Variants in ZNF438 observed in about 807,000 individuals in gnomAD.
ZNF438 encodes zinc finger protein 438.
ZNF438 carries 25 observed loss-of-function variants against 38.0 expected under a neutral mutation model. That is an observed-to-expected ratio of 0.66 (90% confidence interval 0.48 to 0.92). The LOEUF is 0.92. ZNF438 is among the 40% of genes least tolerant of loss of function. ZNF438 has a pLI of 0.00. For missense variants in ZNF438, 1,007 were observed against 999.6 expected (o/e 1.01, Z -0.10); for synonymous variants, 372 against 364.1 (o/e 1.02, Z -0.25).
intron 2 of ZNF438, among the ~76,000 whole-genome samples, chr10:30,912,715 T>C (rs2043207833): frequency 6.6e-6 from 1 of 152,098 alleles, no homozygotes; most frequent in African/African-American, 2.4e-5. Context: ...TCTCTTAACA[T>C]TTCTGTGTTT....
intron 3 of ZNF438, among the ~76,000 whole-genome samples, chr10:30,902,209 A>T (rs2042091979): frequency 6.6e-6 from 1 of 152,108 alleles, no homozygotes; most frequent in Admixed American, 6.5e-5. Flanking sequence ...TGATTGGTCC[A>T]TTTTACAGAG....
intron 3 of ZNF438, among the ~76,000 whole-genome samples, chr10:30,900,202 T>G (rs150001355): frequency 6.6e-6 from 1 of 152,202 alleles, no homozygotes; most frequent in Admixed American, 6.5e-5. Flanking sequence ...ATCATTTTCA[T>G]TGATCACAAA....
chr10:30,950,352 A>G (rs1398352627), intron 1 of ZNF438, among the ~76,000 whole-genome samples: 54 of 150,074 alleles, frequency 3.6e-4, no homozygotes, highest in Admixed American at 1.1e-3. Flanking sequence ...GAAAAGCAAG[A>G]GCAAACACAT....
At chr10:30,851,727 G>A (rs1221910189) in intron 4 of ZNF438, among the ~76,000 whole-genome samples, 3 of 152,182 alleles carry the variant, frequency 2.0e-5, no homozygotes, top group African/African-American at 7.2e-5. Context: ...TTTTGCTTCT[G>A]AATGAGTTTG....
chr10:30,875,523 A>C (rs1339615192), intron 4 of ZNF438: 1 of 985,464 alleles, frequency 1.0e-6, no homozygotes, highest in African/African-American at 1.7e-5. Flanking sequence ...GGATAAAAAA[A>C]GGTAATACCA....
At chr10:30,885,263 C>T (rs2039806908) in intron 3 of ZNF438, among the ~76,000 whole-genome samples, 1 of 152,164 alleles carries the variant, frequency 6.6e-6, no homozygotes, top group South Asian at 2.1e-4. Context: ...TACTAACCTA[C>T]TTTGATTGGG....
chr10:30,867,318 A>G (rs1472932877), intron 4 of ZNF438, among the ~76,000 whole-genome samples: 2 of 98,234 alleles, frequency 2.0e-5, no homozygotes, highest in Non-Finnish European at 4.4e-5. Flanking sequence ...CAGTCTTCTC[A>G]TTATTTTTTT....
intron 2 of ZNF438, among the ~76,000 whole-genome samples, chr10:30,936,081 G>A (rs761184565): frequency 1.3e-5 from 2 of 152,152 alleles, no homozygotes; most frequent in African/African-American, 4.8e-5. Flanking sequence ...AAGCCATGAA[G>A]ATTTCTAAGA....
intron 1 of ZNF438, among the ~76,000 whole-genome samples, chr10:30,998,358 G>A (rs1469394970): frequency 6.6e-6 from 1 of 151,384 alleles, no homozygotes; most frequent in Non-Finnish European, 1.5e-5. Context: ...GGCTAACACA[G>A]TGAAACCCCG....
chr10:30,942,544 C>T (rs987823029), intron 1 of ZNF438, among the ~76,000 whole-genome samples: 14 of 152,304 alleles, frequency 9.2e-5, no homozygotes, highest in Middle Eastern at 6.8e-3. Context: ...AAGACTGAGA[C>T]GTGAAACCAT....
chr10:30,945,060 T>TA (rs1184365571), intron 1 of ZNF438, among the ~76,000 whole-genome samples: 1 of 151,862 alleles, frequency 6.6e-6, no homozygotes, highest in Admixed American at 6.6e-5. Context: ...TTTTTTTTTT[T>TA]ACTGATATTC....
chr10:30,961,017 A>G (rs941652671), intron 1 of ZNF438, among the ~76,000 whole-genome samples: 2 of 145,688 alleles, frequency 1.4e-5, no homozygotes, highest in East Asian at 3.9e-4. Flanking sequence ...AAAATAATAT[A>G]TACTTACTCA....
intron 1 of ZNF438, among the ~76,000 whole-genome samples, chr10:31,028,465 T>G (rs572657604): frequency 6.6e-6 from 1 of 152,322 alleles, no homozygotes; most frequent in Admixed American, 6.5e-5. Flanking sequence ...AAAATATGCA[T>G]GATTTTGAGT....
intron 3 of ZNF438, among the ~76,000 whole-genome samples, chr10:30,904,528 C>A (rs2134370941): frequency 6.6e-6 from 1 of 152,274 alleles, no homozygotes; most frequent in East Asian, 1.9e-4. Flanking sequence ...TGCCCCTTTT[C>A]TAACTGACAC....
rs140789667 is a variant in ZNF438 at position 30,939,612 on chromosome 10, T to C, written c.-115+1963A>G. Reference sequence around the variant, plus strand: ...AGCAAGTGTCCCTTTGCCCTCAATTTAGGTGACATGAGAGTATCAGCAACC... The same window carrying C: ...AGCAAGTGTCCCTTTGCCCTCAATTCAGGTGACATGAGAGTATCAGCAACC... On this transcript the variant is annotated intron_variant, in intron 2 of 5. Coordinates refer to ENST00000413025, the Ensembl canonical transcript of ZNF438. 1.3e-3 allele frequency among the ~76,000 whole-genome samples: 191 copies of C among 152,276 alleles called. 4 individuals carry two copies. In the East Asian group the frequency reaches 0.032, roughly 26 times the overall value.
intron 2 of ZNF438, among the ~76,000 whole-genome samples, chr10:30,934,491 C>G (rs1312722732): frequency 6.6e-6 from 1 of 152,200 alleles, no homozygotes; most frequent in African/African-American, 2.4e-5. Context: ...CTCTTGTATA[C>G]ATATATTTGA....
chr10:30,878,436 T>C (rs893611449), intron 3 of ZNF438, among the ~76,000 whole-genome samples: 5 of 152,076 alleles, frequency 3.3e-5, no homozygotes, highest in Non-Finnish European at 5.9e-5. Context: ...CCCATCCCCC[T>C]TTCCAGCTCC....
intron 1 of ZNF438, among the ~76,000 whole-genome samples, chr10:30,972,407 GAC>G (rs1230483955): frequency 1.3e-5 from 2 of 152,144 alleles, no homozygotes; most frequent in Non-Finnish European, 2.9e-5. Flanking sequence ...TACCATTTGT[GAC>G]AGTTTTTATA....
intron 3 of ZNF438, among the ~76,000 whole-genome samples, chr10:30,899,495 C>A (rs919666628): frequency 3.3e-5 from 5 of 152,096 alleles, no homozygotes; most frequent in Non-Finnish European, 7.4e-5. Flanking sequence ...AAAGAAATAA[C>A]CACAAGTAAC....
Sources: allele counts gnomAD v4.1 joint callset (sites outside exome capture counted in the v4.1 genomes callset), GRCh38; gene constraint gnomAD v4.1.1; transcripts MANE v1.5; gene names NCBI Gene and HGNC (gene_info 2026-07-23, HGNC 2026-07-21).